The following BCL11B variants were observed in gnomAD, a reference collection of about 807,000 sequenced individuals.
BCL11B encodes BCL11 transcription factor B.
In BCL11B, 8 loss-of-function variants were observed where a neutral mutation model predicts 49.9. The ratio of observed to expected loss-of-function variants is 0.16; its 90% CI spans 0.09 to 0.29. BCL11B has a LOEUF of 0.29. Ranked by LOEUF, BCL11B falls within the 10% of genes least tolerant of loss-of-function variation. BCL11B has a pLI of 1.00. For missense variants in BCL11B, 1,006 were observed against 1,351.0 expected (o/e 0.74, Z 4.00); for synonymous variants, 739 against 637.4 (o/e 1.16, Z -2.40).
rs1051362555 is a variant in BCL11B, at chr14:99,195,543, G to C, written c.641-19348C>G. Among the ~76,000 whole-genome samples, 2 of 152,232 alleles carry C rather than the reference G, an allele frequency of 1.3e-5. No individual in the cohort carries two copies. Among genetic ancestry groups the C allele is most frequent in the Middle Eastern group, 3.4e-3 (1 of 294 alleles). On this transcript the variant is annotated intron_variant, in intron 3 of 3. Transcript: ENST00000357195. The surrounding 1 kb of genome is among the most constrained non-coding windows in gnomAD (Gnocchi z 4.7). ...CTGAGCACTTGCTGAGTGCCTCAGT[G>C]TATCTTCGTGAACCCCCACAAGGCT...
intron 1 of BCL11B, among the ~76,000 whole-genome samples, chr14:99,268,167 A>G (rs1889541069): frequency 6.6e-6 from 1 of 151,918 alleles, no homozygotes; most frequent in African/African-American, 2.4e-5. Context: ...CCAGGTTTCC[A>G]TCACCAGCTG....
In BCL11B at chr14:99,247,899, G is replaced by A. The variant is rs1176609485; in HGVS notation, c.427+9572C>T. Among the ~76,000 whole-genome samples the A allele has an allele frequency of 6.6e-6, 1 of 152,172 alleles. No homozygotes were observed. Among genetic ancestry groups the A allele is most frequent in the African/African-American group, 2.4e-5 (1 of 41,440 alleles). On this transcript the variant is annotated intron_variant, in intron 2 of 3. Coordinates refer to ENST00000357195, the MANE Select transcript of BCL11B (RefSeq NM_138576.4). This position sits in a 1 kb window ranked among gnomAD's most constrained non-coding sequence, Gnocchi z 4.5. ...ACTCAGCCCCCAGGGCAGGGGATGG[G>A]GGGAAAACAGCCCTGATCAAACATT...
In BCL11B at chr14:99,256,867, C is replaced by G. The variant is rs185775981; in HGVS notation, c.427+604G>C. On this transcript the variant is annotated intron_variant, in intron 2 of 3. Coordinates refer to ENST00000357195, the MANE Select transcript of BCL11B (RefSeq NM_138576.4). ...CCTGCCTGGGACCGGCCCCTGGGGT[C>G]GGGCAATGTCAGAAGCAACCTCTGA... Among the ~76,000 whole-genome samples, 630 of 152,194 alleles carry G rather than the reference C, an allele frequency of 4.1e-3. 4 individuals are homozygous for G. Among genetic ancestry groups the G allele is most frequent in the South Asian group, 0.026 (123 of 4,808 alleles).
At chr14:99,176,668 A>G (rs975978830) in intron 3 of BCL11B, among the ~76,000 whole-genome samples, 27 of 152,058 alleles carry the variant, frequency 1.8e-4, no homozygotes, top group African/African-American at 6.3e-4. Flanking sequence ...TTACATCCTA[A>G]TTCTTTGGGC....
At chr14:99,237,004 A>G (rs1380279603) in intron 2 of BCL11B, among the ~76,000 whole-genome samples, 1 of 150,840 alleles carries the variant, frequency 6.6e-6, no homozygotes, top group Non-Finnish European at 1.5e-5. Context: ...CTGGGTGTTC[A>G]CCTGACAAGA....
At chr14:99,193,165 G>T (rs540416976) in intron 3 of BCL11B, among the ~76,000 whole-genome samples, 28 of 152,276 alleles carry the variant, frequency 1.8e-4, no homozygotes, top group African/African-American at 6.5e-4. Context: ...ATCAAGAAAC[G>T]TAGTGATTTC....
intron 3 of BCL11B, among the ~76,000 whole-genome samples, chr14:99,199,235 A>G (rs761336423): frequency 1.3e-5 from 2 of 152,202 alleles, no homozygotes; most frequent in Non-Finnish European, 2.9e-5. Context: ...GTTCATTTTC[A>G]TTTCAATGTA....
At position 99,242,788 on chromosome 14, in the gene BCL11B, C is replaced by T. The variant is rs1473107763; in HGVS notation, c.428-11231G>A. On this transcript the variant is annotated intron_variant, in intron 2 of 3. Transcript: ENST00000357195. The surrounding 1 kb of genome is among the most constrained non-coding windows in gnomAD (Gnocchi z 4.4). ...TTTTGCTGGAAAAAAGAAATCAAGACACTTCCAAAGAAAAGCAACAACCAA... is the reference window on the plus strand; with the variant it reads ...TTTTGCTGGAAAAAAGAAATCAAGATACTTCCAAAGAAAAGCAACAACCAA... Among the ~76,000 whole-genome samples, 1 of 152,234 alleles carries T rather than the reference C, an allele frequency of 6.6e-6. No individual in the cohort carries two copies. The highest frequency in any genetic ancestry group is 1.5e-5 in the Non-Finnish European group (1 of 68,040).
chr14:99,267,544 ACCCC>A (rs57963488), intron 1 of BCL11B, among the ~76,000 whole-genome samples: 1 of 131,824 alleles, frequency 7.6e-6, no homozygotes, highest in South Asian at 2.5e-4. Flanking sequence ...GAGGAACTTC[ACCCC>A]CCCCCCACCA....
intron 3 of BCL11B, among the ~76,000 whole-genome samples, chr14:99,197,025 T>A (rs1887197602): frequency 6.6e-6 from 1 of 152,210 alleles, no homozygotes; most frequent in African/African-American, 2.4e-5. Context: ...AGGTTTCACA[T>A]GCATAATTCC....
rs1595080264 is a variant in BCL11B, at chr14:99,257,442, A to G, written c.427+29T>C. The stretch of plus-strand genomic sequence containing the variant: ...ATGGGACCCAGGAGGTGGCTTCCAC[A>G]GCAACCAGGCAAGCGCAGCATCCCA... On this transcript the variant is annotated intron_variant, in intron 2 of 3. Transcript: ENST00000357195. The surrounding 1 kb of genome is among the most constrained non-coding windows in gnomAD (Gnocchi z 6.2). 1 of 1,557,534 alleles carries G rather than the reference A, an allele frequency of 6.4e-7. No homozygotes were observed.
chr14:99,180,074 G>A (rs1035466140), intron 3 of BCL11B, among the ~76,000 whole-genome samples: 1 of 152,090 alleles, frequency 6.6e-6, no homozygotes, highest in Non-Finnish European at 1.5e-5. Flanking sequence ...TCCCCTTCCC[G>A]GGACCAGATG....
chr14:99,174,931 G>A lies in BCL11B; in HGVS notation c.1905C>T (p.Asp635=), dbSNP rs561461377. ...CCCCGCAGCCGCCCGCGTCGTCGTC[G>A]TCGCCCGCGTCCCCGCCGCCCGCCG... ...KRAAGGGDAG[D]DDDAGGCGDA... Residue 635 remains aspartate (D), a synonymous_variant, in exon 4 of 4, where the codon GAC becomes GAT. Transcript: ENST00000357195. 3.1e-4 allele frequency: 411 copies of A among 1,323,914 alleles called. No individual in the cohort carries two copies. The African/African-American group carries it at 5.9e-3, about 19-fold the overall frequency. The allele number at this position is 1,323,914 out of a possible 1,614,324, so 82.0% of individuals were successfully genotyped here. A position where few individuals can be genotyped will look rare whatever the true frequency, so the allele number is the denominator to read the frequency against.
At chr14:99,222,284 C>A (rs189710039) in intron 3 of BCL11B, among the ~76,000 whole-genome samples, 1 of 152,206 alleles carries the variant, frequency 6.6e-6, no homozygotes, top group East Asian at 1.9e-4. Context: ...TTCCACTGTC[C>A]TGTGTACAAA....
At chr14:99,207,955 C>T (rs1296465380) in intron 3 of BCL11B, among the ~76,000 whole-genome samples, 1 of 152,192 alleles carries the variant, frequency 6.6e-6, no homozygotes, top group Non-Finnish European at 1.5e-5. Flanking sequence ...GTCTCCATCT[C>T]CCCACACCAG....
At chr14:99,245,958 A>G (rs982575129) in intron 2 of BCL11B, among the ~76,000 whole-genome samples, 121 of 151,558 alleles carry the variant, frequency 8.0e-4, no homozygotes, top group Non-Finnish European at 1.6e-3. Flanking sequence ...GGCGGGGGGG[A>G]AAGGAGCCGG....
chr14:99,172,399 ATT>A lies in BCL11B; in HGVS notation c.*1750_*1751del, dbSNP rs199890567. 2.9e-3 allele frequency: 559 copies of A among 195,932 alleles called. No homozygotes were observed. The highest frequency in any genetic ancestry group is 4.6e-3 in the East Asian group (59 of 12,744). The allele number at this position is 195,932 out of a possible 1,614,324, so 12.1% of individuals were successfully genotyped here. A position where few individuals can be genotyped will look rare whatever the true frequency, so the allele number is the denominator to read the frequency against. The stretch of plus-strand genomic sequence containing the variant: ...TTCATATCCTCTATCTTCAACCAGA[ATT>A]TTTTTTTTTTTTACTTAAAGTAAAT... On this transcript the variant is annotated 3_prime_UTR_variant, in exon 4 of 4. Transcript: ENST00000357195.
chr14:99,219,823 A>T (rs1887957378), intron 3 of BCL11B, among the ~76,000 whole-genome samples: 1 of 151,926 alleles, frequency 6.6e-6, no homozygotes, highest in African/African-American at 2.4e-5. Context: ...TAAAAAAAAA[A>T]AAGCTGTCCT....
At chr14:99,193,477 A>AG (rs1490225791) in intron 3 of BCL11B, among the ~76,000 whole-genome samples, 50 of 152,218 alleles carry the variant, frequency 3.3e-4, no homozygotes, top group African/African-American at 8.4e-4. Context: ...TAAAAAAAAA[A>AG]GGGGACATTA....
Sources: gnomAD v4.1 joint callset for allele counts (sites outside exome capture counted in the v4.1 genomes callset) on GRCh38, gnomAD v4.1.1 for gene constraint, Gnocchi (gnomAD v3.1) non-coding constraint, MANE v1.5 for transcripts, NCBI Gene and HGNC (gene_info 2026-07-23, HGNC 2026-07-21) for gene names.